CEBPZ: variants seen among roughly 807,000 people sequenced by gnomAD.
CEBPZ encodes CCAAT enhancer binding protein zeta, also known as CCAAT/enhancer-binding protein zeta.
In CEBPZ, 78 loss-of-function variants were observed where a neutral mutation model predicts 104.5. The ratio of observed to expected loss-of-function variants is 0.75; its 90% confidence interval spans 0.62 to 0.90. The LOEUF is 0.90. Among genes scored for constraint, CEBPZ ranks in the 40% least tolerant of loss-of-function variants. The pLI is 0.00. For missense variants in CEBPZ, 1,439 were observed against 1,233.5 expected (o/e 1.17, Z -2.50); for synonymous variants, 470 against 427.0 (o/e 1.10, Z -1.24).
intron 10 of CEBPZ, 37 bp downstream of exon 10, chr2:37,213,827 G>A (rs1232064658): frequency 1.5e-6 from 2 of 1,366,834 alleles, no homozygotes; most frequent in Non-Finnish European, 2.1e-6. Flanking sequence ...ACACATAGTA[G>A]TAGATTATTT....
intron 1 of CEBPZ, among the ~76,000 whole-genome samples, chr2:37,230,678 T>A (rs1665046852): frequency 6.6e-6 from 1 of 152,158 alleles, no homozygotes; most frequent in Non-Finnish European, 1.5e-5. Context: ...CCCTCGGCCC[T>A]CCTTTCTTAC....
At chr2:37,221,757 A>G (rs560382692) in intron 4 of CEBPZ, among the ~76,000 whole-genome samples, 1 of 152,312 alleles carries the variant, frequency 6.6e-6, no homozygotes, top group Non-Finnish European at 1.5e-5. Flanking sequence ...TAGATGAATT[A>G]ATTTGACTGT....
intron 5 of CEBPZ, among the ~76,000 whole-genome samples, chr2:37,219,403 C>CTT (rs34265692): frequency 2.7e-5 from 4 of 147,794 alleles, no homozygotes; most frequent in Non-Finnish European, 6.0e-5. Flanking sequence ...GTCATACTGG[C>CTT]TTTTTTTTTT....
At chr2:37,211,324 AAAT>A in intron 12 of CEBPZ, 3 of 344,054 alleles carry the variant, frequency 8.7e-6, no homozygotes, top group Admixed American at 4.5e-5. Flanking sequence ...TAATAAGACC[AAAT>A]AATATAAAAC....
Position 37,213,873 on chromosome 2 carries a change from C to A in CEBPZ, c.2536G>T (p.Glu846Ter), listed in dbSNP as rs1272093737. 1.5e-5 allele frequency: 24 copies of A among 1,605,476 alleles called. No individual in the cohort carries two copies. The highest frequency in any genetic ancestry group is 2.0e-5 in the Non-Finnish European group (23 of 1,175,276). ...IEDVDDEEFE[E>*]LIDTFEDDNC... ...CAACAAAACAAATTACCAATCAGCT[C>A]TTCAAATTCTTCATCATCCACGTCT... is the stretch of plus-strand genomic sequence containing the variant. Residue 846 changes from glutamate to a stop codon, truncating the protein, a stop_gained, in exon 10 of 16, where the codon GAG becomes TAG. Transcript: ENST00000234170. LOFTEE classifies it high-confidence loss of function.
At chr2:37,210,752 C>A in intron 13 of CEBPZ, 2 of 380,028 alleles carry the variant, frequency 5.3e-6, no homozygotes, top group Non-Finnish European at 9.6e-6. Flanking sequence ...CTACCTGTTC[C>A]CCAAAAACAA....
Position 37,212,040 on chromosome 2 carries a change from C to T in CEBPZ, c.2604-1G>A. On this transcript the variant is annotated splice_acceptor_variant, in intron 11 of 15. Transcript: ENST00000234170. LOFTEE classifies it high-confidence loss of function. Reference sequence around the variant, plus strand: ...TCCTTTTGTTCTCTTTTTCACGTTTCTGGAAAAAAACACAACTTGTAATAC... The same window carrying T: ...TCCTTTTGTTCTCTTTTTCACGTTTTTGGAAAAAAACACAACTTGTAATAC... The T allele has an allele frequency of 1.9e-6, 3 of 1,573,432 alleles. No homozygotes were observed. Among genetic ancestry groups the T allele is most frequent in the Non-Finnish European group, 2.6e-6 (3 of 1,166,052 alleles).
chr2:37,205,250 CCAT>C (rs1677495796), intron 13 of CEBPZ, among the ~76,000 whole-genome samples: 2 of 152,200 alleles, frequency 1.3e-5, no homozygotes, highest in African/African-American at 4.8e-5. Flanking sequence ...CCAAGCTAAG[CCAT>C]CATATCCCCT....
chr2:37,207,954 C>T (rs554284163), intron 13 of CEBPZ, among the ~76,000 whole-genome samples: 4 of 151,928 alleles, frequency 2.6e-5, no homozygotes, highest in East Asian at 3.9e-4. Flanking sequence ...CAATTAGAGA[C>T]GAAATGGGAG....
chr2:37,210,006 C>T (rs1677668630), intron 13 of CEBPZ: 1 of 152,030 alleles, frequency 6.6e-6, no homozygotes, highest in Admixed American at 6.6e-5. Context: ...TACAAATGGT[C>T]AAGAAACATA....
rs757899538 is a variant in CEBPZ, at chr2:37,223,189, C to T, written c.1862G>A (p.Ser621Asn). 1.9e-6 allele frequency: 3 copies of T among 1,613,366 alleles called. No homozygotes were observed. The African/African-American group carries it at 4.0e-5, about 22-fold the overall frequency. Reference sequence around the variant, plus strand: ...ATATACCGGATGATCATCTAGTTGGCTTCTTAAACCTGGTTTTGCTTTAAG... The same window carrying T: ...ATATACCGGATGATCATCTAGTTGGTTTCTTAAACCTGGTTTTGCTTTAAG... Reference protein sequence around the residue: ...EILKAKPGLRSQLDDHPESDD... With the variant: ...EILKAKPGLRNQLDDHPESDD... The change falls in exon 3 of 16, where the codon AGC becomes AAC. Residue 621 changes from serine to asparagine, a missense_variant. Transcript: ENST00000234170.
In CEBPZ at chr2:37,201,744, C is replaced by G; in HGVS notation, c.*20G>C. The G allele has an allele frequency of 2.3e-6, 3 of 1,280,636 alleles. No individual in the cohort carries two copies. The highest frequency in any genetic ancestry group is 3.4e-6 in the Non-Finnish European group (3 of 892,116). The allele number at this position is 1,280,636 out of a possible 1,614,324, so 79.3% of individuals were successfully genotyped here. On this transcript the variant is annotated 3_prime_UTR_variant, in exon 16 of 16. Transcript: ENST00000234170. ...AATTAGATGTAAGTAGAATTTTAAT[C>G]TATAATTTACATTAATAACTCATTT...
At chr2:37,202,277 T>C (rs1341666859) in intron 15 of CEBPZ, 1 of 164,182 alleles carries the variant, frequency 6.1e-6, no homozygotes, top group Non-Finnish European at 1.3e-5. Flanking sequence ...TACTTGTTAA[T>C]CTTACATGTT....
intron 15 of CEBPZ, 27 bp from the exon 16 acceptor site, chr2:37,201,930 G>T: frequency 6.2e-7 from 1 of 1,605,662 alleles, no homozygotes; most frequent in Non-Finnish European, 8.5e-7. Flanking sequence ...AAAGATGAGT[G>T]TACTACCACA....
Position 37,226,282 on chromosome 2 carries a change from T to TA in CEBPZ, c.1649+1261dup, listed in dbSNP as rs551006422. ...CAGGTGTGTAGGGGCAACCCACCCC[T>TA]ACATCACAGACTGGAGAGCTGTTAA... On this transcript the variant is annotated intron_variant, in intron 2 of 15. Coordinates refer to ENST00000234170, the MANE Select transcript of CEBPZ (RefSeq NM_005760.3). Among the ~76,000 whole-genome samples the TA allele has an allele frequency of 4.7e-4, 72 of 152,304 alleles. No homozygotes were observed. In the South Asian group the frequency reaches 0.014, roughly 30 times the overall value.
chr2:37,231,248 G>C (rs1365265723), intron 1 of CEBPZ, 164 bp downstream of exon 1: 2 of 915,350 alleles, frequency 2.2e-6, no homozygotes, highest in Middle Eastern at 2.1e-4. Context: ...GTAAACAGCA[G>C]TGGAAACCGG....
intron 13 of CEBPZ, chr2:37,204,277 AT>A (rs531479622): frequency 0.34 from 37,122 of 109,086 alleles, 3,567 homozygotes; most frequent in Middle Eastern, 0.41. Flanking sequence ...CTAATTTTTG[AT>A]TTTTTTTTTT....
intron 10 of CEBPZ, among the ~76,000 whole-genome samples, chr2:37,212,890 C>G (rs925297151): frequency 8.5e-6 from 1 of 117,946 alleles, no homozygotes; most frequent in African/African-American, 3.2e-5. Context: ...AAAAAAAAAA[C>G]GAGCCGGACA....
In CEBPZ at chr2:37,220,372, G is replaced by A; in HGVS notation, c.2154+13C>T. On this transcript the variant is annotated intron_variant, in intron 5 of 15. Transcript: ENST00000234170. Reference sequence around the variant, plus strand: ...AGCATAAATGAATAAAAGACAATTTGAAATTATTTTACCTTTTTGAGTTCC... The same window carrying A: ...AGCATAAATGAATAAAAGACAATTTAAAATTATTTTACCTTTTTGAGTTCC... The A allele has an allele frequency of 2.2e-6, 3 of 1,349,092 alleles. No individual in the cohort carries two copies. Among genetic ancestry groups the A allele is most frequent in the Non-Finnish European group, 3.1e-6 (3 of 969,254 alleles). 83.6% of individuals were successfully genotyped at this position (1,349,092 alleles called of 1,614,324 possible).
Sources: gnomAD v4.1 joint callset for allele counts (sites outside exome capture counted in the v4.1 genomes callset) on GRCh38, gnomAD v4.1.1 for gene constraint, MANE v1.5 for transcripts, NCBI Gene and HGNC (gene_info 2026-07-23, HGNC 2026-07-21) for gene names.